The following PIEZO2 variants were observed in gnomAD, a reference collection of about 807,000 sequenced individuals.
PIEZO2 encodes the protein piezo-type mechanosensitive ion channel component 2.
Under a neutral mutation model 337.3 loss-of-function variants are expected in PIEZO2, and 172 were observed. The observed-to-expected ratio is 0.51, with a 90% CI of 0.45 to 0.58. The LOEUF (loss-of-function observed/expected upper bound fraction) is 0.58. PIEZO2 is among the 20% of genes least tolerant of loss of function. PIEZO2 has a pLI of 0.00. For synonymous variants in PIEZO2, 1,251 were observed against 1,228.5 expected (o/e 1.02, Z -0.38); for missense variants, 3,028 against 3,391.3 (o/e 0.89, Z 2.66).
chr18:11,066,240 G>T lies in PIEZO2; in HGVS notation c.65-18C>A. On this transcript the variant is annotated intron_variant, in intron 1 of 55. Coordinates refer to ENST00000674853, the MANE Select transcript of PIEZO2 (RefSeq NM_001378183.1). ...TGCACATGCTGTGGGTGGGAAGAGA[G>T]AAGAGAGTGAGAAGATCATTAACAA... 2 of 1,521,464 alleles carry T rather than the reference G, an allele frequency of 1.3e-6. No homozygotes were observed. The highest frequency in any genetic ancestry group is 1.2e-5 in the South Asian group (1 of 83,574). The allele number at this position is 1,521,464 out of a possible 1,614,324, so 94.2% of individuals were successfully genotyped here.
chr18:10,758,000 G>A lies in PIEZO2; in HGVS notation c.3892C>T (p.His1298Tyr). 6.5e-7 allele frequency: 1 copy of A among 1,536,928 alleles called. No individual in the cohort carries two copies. The highest frequency in any genetic ancestry group is 8.7e-7 in the Non-Finnish European group (1 of 1,146,720). The change falls in exon 27 of 56, where the codon CAT becomes TAT. Residue 1298 changes from histidine (H) to tyrosine (Y), a missense_variant. Physicochemically the swap from His to Tyr is moderately conservative, Grantham distance 83. This residue lies in a region of PIEZO2 where 1,925 missense variants were observed against 2,051.9 expected (regional missense o/e 0.94). Coordinates refer to ENST00000674853, the MANE Select transcript of PIEZO2 (RefSeq NM_001378183.1). Reference protein sequence around the residue: ...MNLDAASFSQHNPVPDFIHCR... With the variant: ...MNLDAASFSQYNPVPDFIHCR... ...TGAATAAAATCTGGCACAGGGTTAT[G>A]TTGGCTGAAGGAGGCCGCATCAAGG...
intron 3 of PIEZO2, among the ~76,000 whole-genome samples, chr18:10,946,420 G>A (rs1308165735): frequency 6.6e-6 from 1 of 152,184 alleles, no homozygotes. Flanking sequence ...GGGAAACTGT[G>A]ATTCTACCCC....
At chr18:10,957,668 G>A (rs1329824146) in intron 3 of PIEZO2, among the ~76,000 whole-genome samples, 1 of 152,124 alleles carries the variant, frequency 6.6e-6, no homozygotes, top group Non-Finnish European at 1.5e-5. Context: ...AGACAAATGA[G>A]ATTGCATCAA....
At chr18:10,918,441 G>T (rs1381115432) in intron 3 of PIEZO2, among the ~76,000 whole-genome samples, 1 of 151,532 alleles carries the variant, frequency 6.6e-6, no homozygotes, top group African/African-American at 2.4e-5. Flanking sequence ...TTTATATTTG[G>T]CTTTTTATCC....
chr18:10,984,000 A>C (rs951549147), intron 2 of PIEZO2, among the ~76,000 whole-genome samples: 1 of 152,222 alleles, frequency 6.6e-6, no homozygotes, highest in Admixed American at 6.5e-5. Flanking sequence ...GAGCAGGTGC[A>C]TCCATAGAAA....
intron 4 of PIEZO2, among the ~76,000 whole-genome samples, chr18:10,902,084 T>A (rs757630853): frequency 6.6e-6 from 1 of 152,192 alleles, no homozygotes; most frequent in South Asian, 2.1e-4. Flanking sequence ...CGGTTTCTCA[T>A]AGGAGCGAGA....
intron 4 of PIEZO2, among the ~76,000 whole-genome samples, chr18:10,883,248 GAC>G (rs2042474830): frequency 6.6e-6 from 1 of 152,036 alleles, no homozygotes; most frequent in Admixed American, 6.5e-5. Flanking sequence ...ATATCTCCTT[GAC>G]ACACAAATTT....
rs1458071798 is a variant in PIEZO2, at chr18:10,980,606, TATC to T, written c.161-949_161-947del. ...CAAATGGAATTATTTTCAGATTATA[TATC>T]ATCATCAACAGAGAACGCCAAACTA... On this transcript the variant is annotated intron_variant, in intron 2 of 55. Transcript: ENST00000674853. The surrounding 1 kb of genome is among the most constrained non-coding windows in gnomAD (Gnocchi z 4.8). Among the ~76,000 whole-genome samples, 3 of 152,214 alleles carry T rather than the reference TATC, an allele frequency of 2.0e-5. No individual in the cohort carries two copies. The highest frequency in any genetic ancestry group is 2.1e-4 in the South Asian group (1 of 4,834).
intron 36 of PIEZO2, chr18:10,725,504 G>A (rs999638365): frequency 6.9e-7 from 1 of 1,449,946 alleles, no homozygotes; most frequent in Non-Finnish European, 9.4e-7. Flanking sequence ...CATGAAAGGG[G>A]CCTGGGAGCT....
chr18:11,094,587 T>C lies in PIEZO2; in HGVS notation c.65-28365A>G, dbSNP rs1290184841. Reference sequence around the variant, plus strand: ...GGCACTCAGAAGCCTCGCTGTCCCCTCTCTGAAGACAGATGGCAACGGCAC... The same window carrying C: ...GGCACTCAGAAGCCTCGCTGTCCCCCCTCTGAAGACAGATGGCAACGGCAC... On this transcript the variant is annotated intron_variant, in intron 1 of 55. Transcript: ENST00000674853. This position sits in a 1 kb window ranked among gnomAD's most constrained non-coding sequence, Gnocchi z 4.4. Among the ~76,000 whole-genome samples, 4 of 152,146 alleles carry C rather than the reference T, an allele frequency of 2.6e-5. No homozygotes were observed. Among genetic ancestry groups the C allele is most frequent in the Admixed American group, 2.6e-4 (4 of 15,282 alleles).
Position 10,801,300 on chromosome 18 carries a change from T to C in PIEZO2, c.1239+90A>G, listed in dbSNP as rs995296140. 1.5e-5 allele frequency: 17 copies of C among 1,136,236 alleles called. No individual in the cohort carries two copies. In the African/African-American group the frequency reaches 2.7e-4, roughly 18 times the overall value. 70.4% of individuals were successfully genotyped at this position (1,136,236 alleles called of 1,614,324 possible). A position where few individuals can be genotyped will look rare whatever the true frequency, so the allele number is the denominator to read the frequency against. The stretch of plus-strand genomic sequence containing the variant: ...AAAAGCTTATGGAAATTTTAATAGA[T>C]CATTAAAATAGACTCAAAGGAGCTA... On this transcript the variant is annotated intron_variant, in intron 10 of 55. Transcript: ENST00000674853.
rs551601077 is a variant in PIEZO2 at position 11,108,257 on chromosome 18, T to TA, written c.64+40267dup. Among the ~76,000 whole-genome samples, 41 of 152,322 alleles carry TA rather than the reference T, an allele frequency of 2.7e-4. No homozygotes were observed. In the South Asian group the frequency reaches 7.5e-3, roughly 28 times the overall value. ...TAGCCAGATTCTACCTGCAGAATCT[T>TA]AGACGGGAAAGATCACAGTATAATC... On this transcript the variant is annotated intron_variant, in intron 1 of 55. Transcript: ENST00000674853.
chr18:10,744,061 C>G, intron 31 of PIEZO2, 81 bp downstream of exon 31: 1 of 997,706 alleles, frequency 1.0e-6, no homozygotes, highest in Non-Finnish European at 1.5e-6. Flanking sequence ...GGGTTTGAGG[C>G]TCCCCAACAG....
At chr18:10,806,565 G>T (rs2040009003) in intron 8 of PIEZO2, among the ~76,000 whole-genome samples, 1 of 152,084 alleles carries the variant, frequency 6.6e-6, no homozygotes, top group African/African-American at 2.4e-5. Context: ...ACCACCAAGA[G>T]CTGGGCTATC....
chr18:10,800,537 T>C (rs1299082233), intron 10 of PIEZO2, 62 bp from the exon 11 acceptor site: 15 of 1,460,536 alleles, frequency 1.0e-5, no homozygotes, highest in Non-Finnish European at 1.4e-5. Flanking sequence ...AATGCAGACA[T>C]ACCCCCACTT....
Position 10,795,040 on chromosome 18 carries a change from T to C in PIEZO2, c.1528-38A>G, listed in dbSNP as rs1365890150. 2 of 1,502,194 alleles carry C rather than the reference T, an allele frequency of 1.3e-6. No homozygotes were observed. Among genetic ancestry groups the C allele is most frequent in the African/African-American group, 1.4e-5 (1 of 72,234 alleles). 93.1% of individuals were successfully genotyped at this position (1,502,194 alleles called of 1,614,324 possible). ...GAAAAGGAAACACGACCATGGTCAA[T>C]ACAATGCTCAGTCCCCCCCGCCCTG... On this transcript the variant is annotated intron_variant, in intron 12 of 55. Coordinates refer to ENST00000674853, the MANE Select transcript of PIEZO2 (RefSeq NM_001378183.1). The surrounding 1 kb of genome is among the most constrained non-coding windows in gnomAD (Gnocchi z 4.4).
At chr18:11,141,623 A>C (rs777909731) in intron 1 of PIEZO2, among the ~76,000 whole-genome samples, 28 of 152,180 alleles carry the variant, frequency 1.8e-4, no homozygotes, top group Admixed American at 1.0e-3. Context: ...CAGCAGTGGC[A>C]CCCACAGTCT....
At chr18:11,004,003 A>G in intron 2 of PIEZO2, among the ~76,000 whole-genome samples, 1 of 152,134 alleles carries the variant, frequency 6.6e-6, no homozygotes, top group East Asian at 1.9e-4. Flanking sequence ...TAAACAAATG[A>G]TGGTTTCCAT....
intron 14 of PIEZO2, 30 bp downstream of exon 14, chr18:10,791,171 C>T: frequency 6.7e-7 from 1 of 1,502,952 alleles, no homozygotes; most frequent in Non-Finnish European, 8.9e-7. Context: ...GAGCACCAAA[C>T]TCTCCAGCCA....
Sources: gnomAD v4.1 joint callset for allele counts (sites outside exome capture counted in the v4.1 genomes callset) on GRCh38, gnomAD v4.1.1 for gene constraint, gnomAD v4.1.1 regional missense constraint, Gnocchi (gnomAD v3.1) non-coding constraint, MANE v1.5 for transcripts, NCBI Gene and HGNC (gene_info 2026-07-23, HGNC 2026-07-21) for gene names.